TCERG1L: variants seen among roughly 807,000 people sequenced by gnomAD.
TCERG1L encodes transcription elongation regulator 1-like protein.
TCERG1L carries 37 observed loss-of-function variants against 56.3 expected under a neutral mutation model. The observed-to-expected ratio is 0.66, with a 90% CI of 0.51 to 0.87. The LOEUF is 0.87. TCERG1L is among the 40% of genes least tolerant of loss of function. TCERG1L has a pLI of 0.00. For missense variants in TCERG1L, 799 were observed against 774.2 expected (o/e 1.03, Z -0.38); for synonymous variants, 324 against 326.3 (o/e 0.99, Z 0.08).
chr10:131,291,772 T>C (rs554267688), intron 3 of TCERG1L, among the ~76,000 whole-genome samples: 1 of 151,818 alleles, frequency 6.6e-6, no homozygotes, highest in African/African-American at 2.4e-5. Context: ...TCCAAGACCA[T>C]AGTAACTGTA....
chr10:131,147,804 C>G (rs1217680501), intron 6 of TCERG1L, among the ~76,000 whole-genome samples: 1 of 152,246 alleles, frequency 6.6e-6, no homozygotes, highest in African/African-American at 2.4e-5. Context: ...CGGCCTAGGC[C>G]CCCGGTAGCC....
chr10:131,261,647 G>C (rs1191404941), intron 3 of TCERG1L, among the ~76,000 whole-genome samples: 1 of 152,236 alleles, frequency 6.6e-6, no homozygotes, highest in Non-Finnish European at 1.5e-5. Context: ...TTATTTAGCT[G>C]ACAAGTGCCA....
Position 131,113,859 on chromosome 10 carries a change from T to G in TCERG1L, c.1395+2940A>C, listed in dbSNP as rs1346662127. Among the ~76,000 whole-genome samples, 14 of 142,426 alleles carry G rather than the reference T, an allele frequency of 9.8e-5. 2 individuals carry two copies. The allele number at this position is 142,426 out of a possible 152,430, so 93.4% of individuals were successfully genotyped here. ...GATACTTTACAGAAGGAAAATGTTC[T>G]CAATAAAATGTCTCTAATGTGTTTA... On this transcript the variant is annotated intron_variant, in intron 9 of 11. Transcript: ENST00000368642.
At chr10:131,262,836 C>T (rs1267498489) in intron 3 of TCERG1L, among the ~76,000 whole-genome samples, 1 of 152,118 alleles carries the variant, frequency 6.6e-6, no homozygotes. Context: ...ATCCCTCCCT[C>T]CCCCTAGCCC....
At chr10:131,304,412 A>C (rs967775940) in intron 3 of TCERG1L, among the ~76,000 whole-genome samples, 1 of 151,986 alleles carries the variant, frequency 6.6e-6, no homozygotes, top group South Asian at 2.1e-4. Flanking sequence ...GATGAACCAC[A>C]TGTCCTAAGA....
chr10:131,214,315 G>C (rs1845647141), intron 4 of TCERG1L, among the ~76,000 whole-genome samples: 1 of 150,342 alleles, frequency 6.7e-6, no homozygotes, highest in Non-Finnish European at 1.5e-5. Flanking sequence ...AGTCTGGATG[G>C]GCCACACATG....
At position 131,176,961 on chromosome 10, in the gene TCERG1L, CACAG is replaced by C. The variant is rs531299976; in HGVS notation, c.857-10080_857-10077del. Among the ~76,000 whole-genome samples, 32 of 122,648 alleles carry C rather than the reference CACAG, an allele frequency of 2.6e-4. 1 individual carries two copies. The highest frequency in any genetic ancestry group is 2.2e-3 in the Admixed American group (25 of 11,508). 80.5% of individuals were successfully genotyped at this position (122,648 alleles called of 152,430 possible). A position where few individuals can be genotyped will look rare whatever the true frequency, so the allele number is the denominator to read the frequency against. ...GAACACACACCAAGACACGTGTACACACAGAGACACATGAACACACACCAAGACA... is the reference window on the plus strand; with the variant it reads ...GAACACACACCAAGACACGTGTACACAGACACATGAACACACACCAAGACA... On this transcript the variant is annotated intron_variant, in intron 4 of 11. Transcript: ENST00000368642.
At chr10:131,097,987 G>A (rs11817887) in intron 11 of TCERG1L, among the ~76,000 whole-genome samples, 5 of 152,172 alleles carry the variant, frequency 3.3e-5, no homozygotes, top group South Asian at 2.1e-4. Context: ...GAGTGCTCAC[G>A]TATTGATTGG....
chr10:131,195,632 G>A (rs531770359), intron 4 of TCERG1L, among the ~76,000 whole-genome samples: 55 of 152,250 alleles, frequency 3.6e-4, no homozygotes, highest in Admixed American at 6.5e-4. Flanking sequence ...GGACCTCTCC[G>A]CTGGGCCCAG....
chr10:131,148,345 GAC>G (rs376057806), intron 6 of TCERG1L, among the ~76,000 whole-genome samples: 70 of 131,302 alleles, frequency 5.3e-4, no homozygotes, highest in African/African-American at 1.6e-3. Context: ...CACACAAACA[GAC>G]ACACAGAGAC....
At chr10:131,223,521 A>G (rs1018991951) in intron 4 of TCERG1L, among the ~76,000 whole-genome samples, 1 of 152,116 alleles carries the variant, frequency 6.6e-6, no homozygotes, top group Non-Finnish European at 1.5e-5. Flanking sequence ...TTTCCCTTAC[A>G]TTATAAACAT....
rs1291999107 is a variant in TCERG1L, at chr10:131,311,528, C to T, written c.108G>A (p.Pro36=). 5 of 1,171,656 alleles carry T rather than the reference C, an allele frequency of 4.3e-6. No individual in the cohort carries two copies. Among genetic ancestry groups the T allele is most frequent in the African/African-American group, 1.6e-5 (1 of 60,674 alleles). The allele number at this position is 1,171,656 out of a possible 1,614,324, so 72.6% of individuals were successfully genotyped here. A position where few individuals can be genotyped will look rare whatever the true frequency, so the allele number is the denominator to read the frequency against. The stretch of plus-strand genomic sequence containing the variant: ...CCGGCACCATCCAGACCCAGGGCGG[C>T]GGCGGCGGCGGCTCTGCGTCCATCG... ...LWPMDAEPPP[P]PPWVWMVPGS... is the part of the protein sequence containing the mutation. Residue 36 remains proline, a synonymous_variant, in exon 1 of 12, where the codon CCG becomes CCA. Coordinates refer to ENST00000368642, the MANE Select transcript of TCERG1L (RefSeq NM_174937.4). The surrounding 1 kb of genome is among the most constrained non-coding windows in gnomAD (Gnocchi z 4.0).
intron 6 of TCERG1L, among the ~76,000 whole-genome samples, chr10:131,155,707 T>C (rs1845913288): frequency 6.6e-6 from 1 of 152,134 alleles, no homozygotes; most frequent in African/African-American, 2.4e-5. Flanking sequence ...GTCCGGGAGC[T>C]GGTGGCTGCC....
chr10:131,122,794 C>G (rs943076615), intron 8 of TCERG1L, among the ~76,000 whole-genome samples: 1 of 152,162 alleles, frequency 6.6e-6, no homozygotes, highest in African/African-American at 2.4e-5. Context: ...CCACTTGCAG[C>G]TGGTGTCTGA....
chr10:131,228,233 G>A (rs943747196), intron 4 of TCERG1L, among the ~76,000 whole-genome samples: 5 of 127,824 alleles, frequency 3.9e-5, no homozygotes, highest in South Asian at 3.0e-4. Flanking sequence ...CAAGGCCTCC[G>A]GAGTCTCCCC....
intron 4 of TCERG1L, among the ~76,000 whole-genome samples, chr10:131,196,457 C>T (rs1435641761): frequency 3.3e-5 from 5 of 152,240 alleles, no homozygotes; most frequent in African/African-American, 7.2e-5. Flanking sequence ...AGCTCAGCCA[C>T]GCTGACACTC....
chr10:131,129,564 T>G (rs1845596975), intron 8 of TCERG1L, among the ~76,000 whole-genome samples: 1 of 152,180 alleles, frequency 6.6e-6, no homozygotes, highest in Non-Finnish European at 1.5e-5. Flanking sequence ...TAATTGGGTA[T>G]GTTTGTTTTT....
At chr10:131,208,853 C>T (rs1258978930) in intron 4 of TCERG1L, among the ~76,000 whole-genome samples, 3 of 152,018 alleles carry the variant, frequency 2.0e-5, no homozygotes, top group African/African-American at 4.8e-5. Context: ...GTCAGGAGAT[C>T]GAGACCATCC....
chr10:131,101,965 G>C (rs1427273562), intron 10 of TCERG1L, among the ~76,000 whole-genome samples: 1 of 152,172 alleles, frequency 6.6e-6, no homozygotes, highest in Non-Finnish European at 1.5e-5. Flanking sequence ...GCCTCCCAAA[G>C]GGCTGGGATT....
Sources: gnomAD v4.1 joint callset for allele counts (sites outside exome capture counted in the v4.1 genomes callset) on GRCh38, gnomAD v4.1.1 for gene constraint, Gnocchi (gnomAD v3.1) non-coding constraint, MANE v1.5 for transcripts, NCBI Gene and HGNC (gene_info 2026-07-23, HGNC 2026-07-21) for gene names.